The following CACNA2D2 variants were observed in gnomAD, a reference collection of about 807,000 sequenced individuals.
CACNA2D2 encodes calcium voltage-gated channel auxiliary subunit alpha2delta 2, also known as voltage-dependent calcium channel subunit alpha-2/delta-2.
CACNA2D2 carries 48 observed loss-of-function variants against 166.4 expected under a neutral mutation model. The observed-to-expected ratio is 0.29, with a 90% CI of 0.23 to 0.37. CACNA2D2 has a LOEUF of 0.37. CACNA2D2 is among the 10% of genes least tolerant of loss of function. The probability of loss-of-function intolerance (pLI) is 1.00; values close to 1 mark genes in which losing one functional copy is unlikely to be tolerated. For missense variants in CACNA2D2, 1,122 were observed against 1,433.0 expected, an observed-to-expected ratio of 0.78 and a Z score of 3.50; for synonymous variants, 561 against 573.7, an observed-to-expected ratio of 0.98 and a Z score of 0.32.
intron 4 of CACNA2D2, among the ~76,000 whole-genome samples, chr3:50,389,772 A>G (rs1036507247): frequency 1.3e-5 from 2 of 152,192 alleles, no homozygotes; most frequent in Non-Finnish European, 2.9e-5. Context: ...CCTGCAGATG[A>G]CAGATGAGGC....
intron 2 of CACNA2D2, among the ~76,000 whole-genome samples, chr3:50,468,380 AGTGTGT>A (rs3220659): frequency 0.072 from 5,940 of 82,848 alleles, 156 homozygotes; most frequent in Middle Eastern, 0.15. Flanking sequence ...TCATCAGAAT[AGTGTGT>A]GTGTGTGTGT....
intron 2 of CACNA2D2, among the ~76,000 whole-genome samples, chr3:50,468,111 T>C (rs1297521525): frequency 6.6e-6 from 1 of 152,204 alleles, no homozygotes; most frequent in African/African-American, 2.4e-5. Context: ...TTGGGTCAAC[T>C]GTCCCCAGGG....
chr3:50,387,643 C>T (rs761815162), intron 4 of CACNA2D2, 31 bp from the exon 5 acceptor site: 2 of 1,583,080 alleles, frequency 1.3e-6, no homozygotes, highest in Non-Finnish European at 1.7e-6. Context: ...TCAGCACTAG[C>T]TGCTCAGGGT....
chr3:50,429,814 T>C (rs1707986825), intron 3 of CACNA2D2, among the ~76,000 whole-genome samples: 1 of 150,754 alleles, frequency 6.6e-6, no homozygotes, highest in East Asian at 2.0e-4. Flanking sequence ...CACAGAATCA[T>C]CTGTGGCACG....
At chr3:50,472,026 G>T (rs1222690563) in intron 2 of CACNA2D2, among the ~76,000 whole-genome samples, 1 of 152,218 alleles carries the variant, frequency 6.6e-6, no homozygotes, top group Admixed American at 6.5e-5. Context: ...AAAAGACTCA[G>T]GTTGGGGATT....
chr3:50,381,739 C>A (rs1288241683), intron 6 of CACNA2D2, among the ~76,000 whole-genome samples: 1 of 149,342 alleles, frequency 6.7e-6, no homozygotes, highest in Middle Eastern at 3.5e-3. Flanking sequence ...ACACTGCACA[C>A]CCCCCAACAG....
At chr3:50,429,040 C>T (rs1487778781) in intron 3 of CACNA2D2, among the ~76,000 whole-genome samples, 5 of 151,920 alleles carry the variant, frequency 3.3e-5, no homozygotes, top group Admixed American at 6.6e-5. Context: ...GACCAGCCTG[C>T]GCAACATAGC....
rs748721259 is a variant in CACNA2D2, at chr3:50,365,972, TC to T, written c.2862+38del. 3.7e-6 allele frequency: 6 copies of T among 1,609,196 alleles called. No homozygotes were observed. Among genetic ancestry groups the T allele is most frequent in the South Asian group, 1.1e-5 (1 of 90,860 alleles). ...GGTCATCTGTGGGCAGGTCTCCCAG[TC>T]CCCCCCATCTCCAGTCCAGGCATCT... On this transcript the variant is annotated intron_variant, in intron 32 of 37. Transcript: ENST00000424201. This position sits in a 1 kb window ranked among gnomAD's most constrained non-coding sequence, Gnocchi z 4.5.
At position 50,376,315 on chromosome 3, in the gene CACNA2D2, C is replaced by A. The variant is rs1704989551; in HGVS notation, c.1627-127G>T. ...CTGTTTGCCTGCCTTGGGCTAAGGG[C>A]CCCCCCATGCCACGTGGCCCTAAGC... On this transcript the variant is annotated intron_variant, in intron 17 of 37. Coordinates refer to ENST00000424201, the MANE Select transcript of CACNA2D2 (RefSeq NM_006030.4). This position sits in a 1 kb window ranked among gnomAD's most constrained non-coding sequence, Gnocchi z 4.3. 2.1e-6 allele frequency: 2 copies of A among 969,812 alleles called. No homozygotes were observed. Among genetic ancestry groups the A allele is most frequent in the Non-Finnish European group, 3.1e-6 (2 of 651,140 alleles). 60.1% of individuals were successfully genotyped at this position (969,812 alleles called of 1,614,324 possible).
chr3:50,467,565 A>T (rs938253759), intron 2 of CACNA2D2, among the ~76,000 whole-genome samples: 1 of 152,090 alleles, frequency 6.6e-6, no homozygotes, highest in Non-Finnish European at 1.5e-5. Context: ...GCATACGTAC[A>T]CACCTGCCCG....
intron 2 of CACNA2D2, among the ~76,000 whole-genome samples, chr3:50,447,345 T>C (rs1023617137): frequency 2.0e-5 from 3 of 152,166 alleles, no homozygotes; most frequent in Non-Finnish European, 2.9e-5. Flanking sequence ...TTGGAGGCGA[T>C]GGTGCCCTGG....
At chr3:50,458,947 A>G (rs1458278460) in intron 2 of CACNA2D2, among the ~76,000 whole-genome samples, 1 of 151,886 alleles carries the variant, frequency 6.6e-6, no homozygotes, top group Non-Finnish European at 1.5e-5. Context: ...ACCTCCATCA[A>G]CTCTCTAGGC....
At chr3:50,462,425 A>AT (rs1709631251) in intron 2 of CACNA2D2, among the ~76,000 whole-genome samples, 2 of 147,498 alleles carry the variant, frequency 1.4e-5, no homozygotes, top group African/African-American at 5.0e-5. Context: ...AATAATAATA[A>AT]TAATAATGAT....
In CACNA2D2 at chr3:50,380,653, T is replaced by G. The variant is rs587765960; in HGVS notation, c.842+95A>C. 2 of 1,047,856 alleles carry G rather than the reference T, an allele frequency of 1.9e-6. No homozygotes were observed. The highest frequency in any genetic ancestry group is 1.8e-5 in the South Asian group (1 of 56,976). The allele number at this position is 1,047,856 out of a possible 1,614,324, so 64.9% of individuals were successfully genotyped here. ...AAATTGGATACAGCTGGCTGCGCCC[T>G]GCTAGGAGGCTTGGAAATGGGGAGG... On this transcript the variant is annotated intron_variant, in intron 8 of 37. Transcript: ENST00000424201. The surrounding 1 kb of genome is among the most constrained non-coding windows in gnomAD (Gnocchi z 4.9).
chr3:50,457,709 T>G (rs1250463614), intron 2 of CACNA2D2, among the ~76,000 whole-genome samples: 2 of 152,214 alleles, frequency 1.3e-5, no homozygotes. Context: ...GCAGCAATGA[T>G]GCTGAGCGCA....
intron 1 of CACNA2D2, among the ~76,000 whole-genome samples, chr3:50,477,640 C>T (rs1159863703): frequency 2.0e-5 from 3 of 152,216 alleles, no homozygotes; most frequent in Admixed American, 1.3e-4. Flanking sequence ...TCCCATTTTA[C>T]AGACCAAGAC....
rs536752871 is a variant in CACNA2D2 at position 50,481,798 on chromosome 3, C to T, written c.207-5599G>A. Among the ~76,000 whole-genome samples, 13 of 152,188 alleles carry T rather than the reference C, an allele frequency of 8.5e-5. No individual in the cohort carries two copies. The South Asian group carries it at 2.7e-3, about 32-fold the overall frequency. On this transcript the variant is annotated intron_variant, in intron 1 of 37. Coordinates refer to ENST00000424201, the MANE Select transcript of CACNA2D2 (RefSeq NM_006030.4). Reference sequence around the variant, plus strand: ...TTTGCTTGAGCCCAGAAATTTGAGACCAGGCTGGGCAACACGGTGAAACCC... The same window carrying T: ...TTTGCTTGAGCCCAGAAATTTGAGATCAGGCTGGGCAACACGGTGAAACCC...
intron 3 of CACNA2D2, among the ~76,000 whole-genome samples, chr3:50,399,527 C>T (rs544683720): frequency 6.6e-6 from 1 of 152,146 alleles, no homozygotes; most frequent in South Asian, 2.1e-4. Context: ...CCGAGGGCTG[C>T]AAGGAAGGTA....
chr3:50,387,630 G>A lies in CACNA2D2; in HGVS notation c.466-18C>T, dbSNP rs1261264644. 5 of 1,606,158 alleles carry A rather than the reference G, an allele frequency of 3.1e-6. No homozygotes were observed. The highest frequency in any genetic ancestry group is 4.3e-6 in the Non-Finnish European group (5 of 1,173,848). On this transcript the variant is annotated intron_variant, in intron 4 of 37. Coordinates refer to ENST00000424201, the MANE Select transcript of CACNA2D2 (RefSeq NM_006030.4). ...TCTTCCTCCTGGTGAGGGGAGAGAG[G>A]CCTCAGCACTAGCTGCTCAGGGTCC... is the stretch of plus-strand genomic sequence containing the variant.
Sources: gnomAD v4.1 joint callset for allele counts (sites outside exome capture counted in the v4.1 genomes callset) on GRCh38, gnomAD v4.1.1 for gene constraint, Gnocchi (gnomAD v3.1) non-coding constraint, MANE v1.5 for transcripts, NCBI Gene and HGNC (gene_info 2026-07-23, HGNC 2026-07-21) for gene names.